The following SNX29 variants were observed in gnomAD, a reference collection of about 807,000 sequenced individuals.
The protein encoded by SNX29 is sorting nexin-29.
SNX29 carries 78 observed loss-of-function variants against 102.1 expected under a neutral mutation model. That is an observed-to-expected ratio of 0.76 (90% confidence interval 0.64 to 0.92). SNX29 has a LOEUF of 0.92. Among genes scored for constraint, SNX29 ranks in the 40% least tolerant of loss-of-function variants. The probability of loss-of-function intolerance (pLI) is 0.00; values close to 1 mark genes in which losing one functional copy is unlikely to be tolerated. For synonymous variants in SNX29, 580 were observed against 414.5 expected, an observed-to-expected ratio of 1.40 and a Z score of -4.85; for missense variants, 1,280 against 1,061.7, an observed-to-expected ratio of 1.21 and a Z score of -2.86.
chr16:12,053,486 G>C (rs1479072161), intron 8 of SNX29, among the ~76,000 whole-genome samples: 1 of 151,946 alleles, frequency 6.6e-6, no homozygotes, highest in Non-Finnish European at 1.5e-5. Flanking sequence ...CTTAAGGCCA[G>C]GAGTTTGATA....
At chr16:12,497,140 A>T (rs573725133) in intron 19 of SNX29, among the ~76,000 whole-genome samples, 6 of 152,326 alleles carry the variant, frequency 3.9e-5, no homozygotes, top group African/African-American at 1.4e-4. Flanking sequence ...ACTGAACAAC[A>T]AGGGCTCTGG....
At chr16:12,355,884 G>T (rs935303001) in intron 15 of SNX29, among the ~76,000 whole-genome samples, 7 of 127,328 alleles carry the variant, frequency 5.5e-5, no homozygotes, top group African/African-American at 2.0e-4. Flanking sequence ...AAAGAGAGAG[G>T]AAAAAAAAAG....
Position 12,572,073 on chromosome 16 carries a change from T to TA in SNX29, c.*3445dup. 1 of 1,063,448 alleles carries TA rather than the reference T, an allele frequency of 9.4e-7. No homozygotes were observed. Among genetic ancestry groups the TA allele is most frequent in the Non-Finnish European group, 1.1e-6 (1 of 878,072 alleles). 65.9% of individuals were successfully genotyped at this position (1,063,448 alleles called of 1,614,324 possible). Reference sequence around the variant, plus strand: ...AACAAGGGAACCATCTTGCAAGATCTAGGAAGAGGAAGGGGAGGGATGTGG... The same window carrying TA: ...AACAAGGGAACCATCTTGCAAGATCTAAGGAAGAGGAAGGGGAGGGATGTGG... On this transcript the variant is annotated 3_prime_UTR_variant, in exon 21 of 21. Transcript: ENST00000566228.
At chr16:12,547,150 C>G (rs1028520386) in intron 20 of SNX29, among the ~76,000 whole-genome samples, 1 of 152,206 alleles carries the variant, frequency 6.6e-6, no homozygotes. Flanking sequence ...GGAAAGAAGC[C>G]TGCTGGGGAT....
intron 20 of SNX29, among the ~76,000 whole-genome samples, chr16:12,545,940 TATC>T (rs2077579445): frequency 3.3e-5 from 5 of 152,154 alleles, no homozygotes; most frequent in African/African-American, 9.7e-5. Context: ...ATTTATGTAT[TATC>T]CTGACAACTA....
intron 14 of SNX29, among the ~76,000 whole-genome samples, chr16:12,223,599 G>C (rs2077533753): frequency 6.6e-6 from 1 of 152,244 alleles, no homozygotes; most frequent in African/African-American, 2.4e-5. Context: ...AGGAGATGGA[G>C]GTTGCAGTGA....
intron 11 of SNX29, among the ~76,000 whole-genome samples, chr16:12,113,691 C>T (rs2053582133): frequency 6.6e-6 from 1 of 152,234 alleles, no homozygotes. Context: ...GTGCATGAGG[C>T]CAGTGACAAC....
At chr16:12,048,202 C>T (rs1197063904) in intron 6 of SNX29, among the ~76,000 whole-genome samples, 170 bp from the exon 7 acceptor site, 1 of 150,900 alleles carries the variant, frequency 6.6e-6, no homozygotes, top group Non-Finnish European at 1.5e-5. Flanking sequence ...GGCTGGAGTG[C>T]AGTGGCGCGA....
At chr16:12,118,313 C>CTTTCTTTTTTTTTTTTTTTTTTTT (rs1286174976) in intron 11 of SNX29, among the ~76,000 whole-genome samples, 1 of 86,114 alleles carries the variant, frequency 1.2e-5, no homozygotes. Flanking sequence ...TACAGACCAC[C>CTTTCTTTTTTTTTTTTTTTTTTTT]TTTTTTTTTT....
intron 14 of SNX29, among the ~76,000 whole-genome samples, chr16:12,212,742 C>G (rs1269909406): frequency 6.6e-6 from 1 of 152,096 alleles, no homozygotes; most frequent in Non-Finnish European, 1.5e-5. Context: ...GTATTAACCC[C>G]TTATCGGATG....
At chr16:12,228,709 A>G (rs190355858) in intron 14 of SNX29, among the ~76,000 whole-genome samples, 107 of 152,044 alleles carry the variant, frequency 7.0e-4, no homozygotes, top group African/African-American at 2.3e-3. Context: ...GTATCACCTC[A>G]TTTCAGTTCC....
At chr16:12,536,330 A>C (rs7189979) in intron 20 of SNX29, among the ~76,000 whole-genome samples, 23,651 of 152,072 alleles carry the variant, frequency 0.16, 2,488 homozygotes, top group Middle Eastern at 0.28. Flanking sequence ...TTACTAATGC[A>C]GCAGGAAACA....
At chr16:12,556,894 C>T (rs571907083) in intron 20 of SNX29, among the ~76,000 whole-genome samples, 1 of 148,560 alleles carries the variant, frequency 6.7e-6, no homozygotes, top group African/African-American at 2.6e-5. Flanking sequence ...CGTCTGTCTC[C>T]TCACCTTGAG....
At chr16:12,565,471 C>T (rs1023385171) in intron 20 of SNX29, among the ~76,000 whole-genome samples, 2 of 152,202 alleles carry the variant, frequency 1.3e-5, no homozygotes, top group Admixed American at 6.5e-5. Flanking sequence ...TTCTCTCAAA[C>T]CATCACAGCA....
At chr16:12,063,878 C>G (rs1424972485) in intron 9 of SNX29, among the ~76,000 whole-genome samples, 1 of 151,958 alleles carries the variant, frequency 6.6e-6, no homozygotes, top group African/African-American at 2.4e-5. Flanking sequence ...CATCCATGGT[C>G]CAAATAGCCA....
chr16:12,058,927 G>C (rs2050646844), intron 8 of SNX29, among the ~76,000 whole-genome samples: 1 of 151,328 alleles, frequency 6.6e-6, no homozygotes, highest in Non-Finnish European at 1.5e-5. Context: ...CCAGTAGCTG[G>C]GTCTACAGGT....
At chr16:12,204,736 G>T (rs2077002855) in intron 14 of SNX29, among the ~76,000 whole-genome samples, 1 of 152,238 alleles carries the variant, frequency 6.6e-6, no homozygotes, top group Non-Finnish European at 1.5e-5. Flanking sequence ...GAAGTCATCA[G>T]CCTGTCTGGT....
At chr16:12,033,792 A>G (rs2057404665) in intron 4 of SNX29, among the ~76,000 whole-genome samples, 4 of 151,812 alleles carry the variant, frequency 2.6e-5, no homozygotes, top group Admixed American at 2.6e-4. Flanking sequence ...TTTTTAGTAG[A>G]GACGGGGTTT....
chr16:11,978,429 G>A (rs2055348668), intron 1 of SNX29, among the ~76,000 whole-genome samples: 1 of 152,186 alleles, frequency 6.6e-6, no homozygotes, highest in African/African-American at 2.4e-5. Flanking sequence ...GCAAAATGAG[G>A]ATACCTAGTA....
Sources: gnomAD v4.1 joint callset for allele counts (sites outside exome capture counted in the v4.1 genomes callset) on GRCh38, gnomAD v4.1.1 for gene constraint, MANE v1.5 for transcripts, NCBI Gene and HGNC (gene_info 2026-07-23, HGNC 2026-07-21) for gene names.